Variants in CUBN observed in about 807,000 individuals in gnomAD.
The protein encoded by CUBN is cubilin.
In CUBN, 282 loss-of-function variants were observed where a neutral mutation model predicts 405.3. The ratio of observed to expected loss-of-function variants is 0.70; its 90% CI spans 0.63 to 0.77. The LOEUF (loss-of-function observed/expected upper bound fraction) is 0.77. CUBN is among the 30% of genes least tolerant of loss of function. The pLI, the probability that CUBN is intolerant of heterozygous loss-of-function variation, is 0.00. For synonymous variants in CUBN, 1,684 were observed against 1,617.0 expected (o/e 1.04, Z -0.99); for missense variants, 4,514 against 4,475.2 (o/e 1.01, Z -0.25).
At chr10:17,058,855 C>T (rs76204903) in intron 22 of CUBN, among the ~76,000 whole-genome samples, 5,729 of 151,992 alleles carry the variant, frequency 0.038, 259 homozygotes, top group South Asian at 0.22. Context: ...TGGCATGATG[C>T]TTATTATTAC....
In CUBN at chr10:16,831,245, G is replaced by A. The variant is rs1271635515; in HGVS notation, c.10528+7C>T. 6.2e-7 allele frequency: 1 copy of A among 1,613,548 alleles called. No individual in the cohort carries two copies. Among genetic ancestry groups the A allele is most frequent in the Non-Finnish European group, 8.5e-7 (1 of 1,179,560 alleles). On this transcript the variant is annotated splice_region_variant and intron_variant, in intron 65 of 66. Transcript: ENST00000377833. ...GTGCTTTCCTGTACAAAGTGCAAATGTCTTACCAGAGGGTGATGAAGTCCA... is the reference window on the plus strand; with the variant it reads ...GTGCTTTCCTGTACAAAGTGCAAATATCTTACCAGAGGGTGATGAAGTCCA...
intron 56 of CUBN, among the ~76,000 whole-genome samples, chr10:16,882,464 G>A (rs1374786128): frequency 7.2e-6 from 1 of 139,364 alleles, no homozygotes; most frequent in African/African-American, 3.4e-5. Context: ...ATTTTTCCGG[G>A]ATTTATTACT....
intron 58 of CUBN, among the ~76,000 whole-genome samples, chr10:16,873,241 T>A (rs998056134): frequency 1.3e-5 from 2 of 152,118 alleles, no homozygotes; most frequent in African/African-American, 4.8e-5. Context: ...AAATAGGCTG[T>A]CAGGTGAAAA....
At chr10:16,999,494 A>G (rs987576112) in intron 28 of CUBN, among the ~76,000 whole-genome samples, 1 of 152,230 alleles carries the variant, frequency 6.6e-6, no homozygotes, top group Admixed American at 6.5e-5. Flanking sequence ...TCTTCAGGAG[A>G]AATCAATCAT....
chr10:16,963,792 C>A (rs536903560), intron 31 of CUBN, among the ~76,000 whole-genome samples: 1 of 152,208 alleles, frequency 6.6e-6, no homozygotes, highest in South Asian at 2.1e-4. Context: ...GTGAATAGAG[C>A]AAGTTGAAGA....
chr10:17,038,538 G>A (rs775366508), intron 27 of CUBN, among the ~76,000 whole-genome samples: 3 of 152,120 alleles, frequency 2.0e-5, no homozygotes, highest in South Asian at 2.1e-4. Flanking sequence ...TGACCAGCAC[G>A]TAATTAAGTC....
chr10:17,058,930 G>C (rs1835448836), intron 22 of CUBN, among the ~76,000 whole-genome samples: 1 of 151,864 alleles, frequency 6.6e-6, no homozygotes, highest in African/African-American at 2.4e-5. Context: ...ATTGCCAAAG[G>C]AAAATTCATA....
rs775638909 is a variant in CUBN, at chr10:16,947,230, T to C, written c.5342+5A>G. 3.1e-6 allele frequency: 5 copies of C among 1,613,916 alleles called. No homozygotes were observed. In the South Asian group the frequency reaches 3.3e-5, roughly 11 times the overall value. On this transcript the variant is annotated splice_donor_5th_base_variant and intron_variant, in intron 36 of 66. Transcript: ENST00000377833. ...TGAAACAATACACCATAAAAAAGGA[T>C]TTACATAAAAGACAGCTGGAGCCGG... is the stretch of plus-strand genomic sequence containing the variant.
intron 48 of CUBN, among the ~76,000 whole-genome samples, chr10:16,909,523 G>A (rs1179172335): frequency 6.6e-6 from 1 of 152,192 alleles, no homozygotes; most frequent in African/African-American, 2.4e-5. Context: ...TTTCTATAAT[G>A]CTGAAAACAG....
intron 31 of CUBN, chr10:16,965,585 AAAAAAAACAGG>A (rs1843368979): frequency 6.5e-6 from 1 of 153,202 alleles, no homozygotes; most frequent in African/African-American, 2.4e-5. Flanking sequence ...CTAAAAAAAA[AAAAAAAACAGG>A]AATATATTCC....
intron 22 of CUBN, among the ~76,000 whole-genome samples, chr10:17,061,895 G>A (rs183426998): frequency 2.8e-4 from 43 of 152,218 alleles, no homozygotes; most frequent in African/African-American, 8.4e-4. Context: ...ATTCTAAGAC[G>A]GGACTCAGTT....
intron 51 of CUBN, among the ~76,000 whole-genome samples, chr10:16,902,193 A>G (rs1219450024): frequency 7.3e-6 from 1 of 136,086 alleles, no homozygotes; most frequent in Non-Finnish European, 1.5e-5. Flanking sequence ...ATTTGTATAT[A>G]TAGTATATAT....
intron 56 of CUBN, among the ~76,000 whole-genome samples, chr10:16,887,148 A>G (rs1240477705): frequency 2.0e-5 from 3 of 152,244 alleles, no homozygotes; most frequent in African/African-American, 7.2e-5. Context: ...ATGTTGACTC[A>G]ATAAGACAGT....
intron 17 of CUBN, among the ~76,000 whole-genome samples, chr10:17,073,682 G>A (rs1835788500): frequency 6.6e-6 from 1 of 150,916 alleles, no homozygotes; most frequent in African/African-American, 2.5e-5. Flanking sequence ...CCAATCTCAG[G>A]TGATCCACCC....
intron 11 of CUBN, 91 bp from the exon 12 acceptor site, chr10:17,104,696 A>G (rs1836579853): frequency 1.7e-6 from 1 of 575,586 alleles, no homozygotes; most frequent in African/African-American, 1.9e-5. Context: ...AGTGCCATGG[A>G]GATATATAAT....
At chr10:16,969,979 A>G (rs994865854) in intron 31 of CUBN, among the ~76,000 whole-genome samples, 10 of 152,124 alleles carry the variant, frequency 6.6e-5, no homozygotes, top group Admixed American at 1.3e-4. Flanking sequence ...CCACAAATGC[A>G]ACTCCTAACT....
chr10:17,022,041 T>C (rs1834515142), intron 27 of CUBN, among the ~76,000 whole-genome samples: 1 of 152,158 alleles, frequency 6.6e-6, no homozygotes, highest in African/African-American at 2.4e-5. Context: ...TGCACGATTA[T>C]TTGCACTCTG....
intron 59 of CUBN, among the ~76,000 whole-genome samples, chr10:16,861,165 CTT>C (rs397845114): frequency 1.2e-4 from 17 of 143,702 alleles, no homozygotes; most frequent in Non-Finnish European, 1.4e-4. Flanking sequence ...CAATGAATGC[CTT>C]TTTTTTTTTT....
At chr10:17,099,796 G>A (rs942778151) in intron 14 of CUBN, among the ~76,000 whole-genome samples, 2 of 145,152 alleles carry the variant, frequency 1.4e-5, no homozygotes, top group African/African-American at 2.4e-5. Context: ...ACGTTTCAGT[G>A]AGCCGTGATC....
Sources: gnomAD v4.1 joint callset for allele counts (sites outside exome capture counted in the v4.1 genomes callset) on GRCh38, gnomAD v4.1.1 for gene constraint, MANE v1.5 for transcripts, NCBI Gene and HGNC (gene_info 2026-07-23, HGNC 2026-07-21) for gene names.